The following RBFOX1 variants were observed in gnomAD, a reference collection of about 807,000 sequenced individuals.
The protein encoded by RBFOX1 is RNA binding protein fox-1 homolog 1.
In RBFOX1, 8 loss-of-function variants were observed where a neutral mutation model predicts 57.7. That is an observed-to-expected ratio of 0.14 (90% confidence interval 0.08 to 0.25). The LOEUF (loss-of-function observed/expected upper bound fraction) is 0.25. Among genes scored for constraint, RBFOX1 ranks in the 10% least tolerant of loss-of-function variants. The probability of loss-of-function intolerance (pLI) is 1.00; values close to 1 mark genes in which losing one functional copy is unlikely to be tolerated. For missense variants in RBFOX1, 611 were observed against 548.5 expected (o/e 1.11, Z -1.14); for synonymous variants, 326 against 222.4 (o/e 1.47, Z -4.15).
intron 1 of RBFOX1, among the ~76,000 whole-genome samples, chr16:6,298,642 C>G (rs2078426360): frequency 6.6e-6 from 1 of 152,142 alleles, no homozygotes; most frequent in Non-Finnish European, 1.5e-5. Flanking sequence ...AACCTTCCTT[C>G]TGGGTTGGCA....
At chr16:5,529,018 C>G (rs1479109479) in intron 2 of RBFOX1, among the ~76,000 whole-genome samples, 3 of 152,078 alleles carry the variant, frequency 2.0e-5, no homozygotes, top group African/African-American at 4.8e-5. Flanking sequence ...GGAGTAACCA[C>G]TGGCTCTCTC....
At chr16:6,682,868 A>AT (rs1242365570) in intron 3 of RBFOX1, among the ~76,000 whole-genome samples, 1 of 127,616 alleles carries the variant, frequency 7.8e-6, no homozygotes, top group Non-Finnish European at 1.6e-5. Flanking sequence ...AAAGAAAAGA[A>AT]TTAAAAAAAA....
chr16:7,048,470 A>C (rs1466885857), intron 3 of RBFOX1, among the ~76,000 whole-genome samples: 2 of 151,580 alleles, frequency 1.3e-5, no homozygotes, highest in East Asian at 2.0e-4. Context: ...CGTATTAGCC[A>C]GGATGGTCTC....
chr16:5,503,832 T>C (rs2043284887), intron 2 of RBFOX1, among the ~76,000 whole-genome samples: 1 of 152,160 alleles, frequency 6.6e-6, no homozygotes, highest in Admixed American at 6.5e-5. Flanking sequence ...AAAGAAACTC[T>C]CTACTCTTAA....
chr16:6,882,306 C>T (rs890932108), intron 3 of RBFOX1, among the ~76,000 whole-genome samples: 26 of 152,138 alleles, frequency 1.7e-4, no homozygotes, highest in Admixed American at 1.1e-3. Flanking sequence ...TGCACTGGGT[C>T]TCATCCTTGT....
At chr16:6,724,054 T>C (rs2066587405) in intron 3 of RBFOX1, among the ~76,000 whole-genome samples, 1 of 152,130 alleles carries the variant, frequency 6.6e-6, no homozygotes, top group Admixed American at 6.5e-5. Flanking sequence ...TGAACATTTA[T>C]ATGAAATATT....
At chr16:7,045,676 ACATTGTCTCGCTTT>A (rs2153715826) in intron 3 of RBFOX1, among the ~76,000 whole-genome samples, 1 of 151,930 alleles carries the variant, frequency 6.6e-6, no homozygotes, top group Admixed American at 6.6e-5. Context: ...ATAGAGCGAG[ACATTGTCTCGCTTT>A]GTTGCCCAGG....
chr16:7,049,524 T>C (rs1422185618), intron 3 of RBFOX1, among the ~76,000 whole-genome samples: 3 of 152,342 alleles, frequency 2.0e-5, no homozygotes, highest in Middle Eastern at 3.4e-3. Flanking sequence ...CTCATCTGTC[T>C]TGTTTTTCAA....
intron 4 of RBFOX1, among the ~76,000 whole-genome samples, chr16:7,230,032 G>A (rs200893004): frequency 0.028 from 3,531 of 125,500 alleles, 213 homozygotes; most frequent in Admixed American, 0.044. Context: ...GGGGAAGGAA[G>A]GAAGGGAGAG....
At chr16:7,210,167 T>C (rs1189392747) in intron 4 of RBFOX1, among the ~76,000 whole-genome samples, 1 of 152,150 alleles carries the variant, frequency 6.6e-6, no homozygotes, top group Non-Finnish European at 1.5e-5. Context: ...TGACAATGAT[T>C]TTATCAGTCA....
At chr16:7,473,998 CA>C (rs1158233852) in intron 4 of RBFOX1, among the ~76,000 whole-genome samples, 1 of 151,894 alleles carries the variant, frequency 6.6e-6, no homozygotes, top group Admixed American at 6.6e-5. Context: ...TCATTAAAAA[CA>C]GCCCCCCGGC....
chr16:7,405,743 A>G (rs1175459407), intron 4 of RBFOX1, among the ~76,000 whole-genome samples: 1 of 152,132 alleles, frequency 6.6e-6, no homozygotes, highest in Non-Finnish European at 1.5e-5. Flanking sequence ...AGCTTGGATG[A>G]CACAGAGGGG....
intron 3 of RBFOX1, among the ~76,000 whole-genome samples, chr16:7,015,325 G>A (rs1035125534): frequency 1.1e-4 from 16 of 152,218 alleles, no homozygotes; most frequent in African/African-American, 3.8e-4. Context: ...AGACTATGGA[G>A]TAGATCTGGA....
At chr16:7,634,479 G>T (rs2061458271) in intron 11 of RBFOX1, among the ~76,000 whole-genome samples, 1 of 151,824 alleles carries the variant, frequency 6.6e-6, no homozygotes, top group Non-Finnish European at 1.5e-5. Context: ...AGGGGAGATG[G>T]TTTTTAAAGG....
intron 3 of RBFOX1, among the ~76,000 whole-genome samples, chr16:5,785,626 C>G (rs1222177488): frequency 6.6e-6 from 1 of 152,044 alleles, no homozygotes; most frequent in Admixed American, 6.5e-5. Flanking sequence ...CTCCTGGGTT[C>G]AAGTGATTCT....
rs993391225 is a variant in RBFOX1 at position 6,421,668 on chromosome 16, T to C, written c.-64+104611T>C. ...ACACTGGCACAGAAGAAAACATGGG[T>C]GCTTTAGATCACACACACAAAAAAT... On this transcript the variant is annotated intron_variant, in intron 2 of 15. Coordinates refer to ENST00000550418, the MANE Select transcript of RBFOX1 (RefSeq NM_018723.4). Among the ~76,000 whole-genome samples, 7 of 152,240 alleles carry C rather than the reference T, an allele frequency of 4.6e-5. No homozygotes were observed. In the East Asian group the frequency reaches 1.4e-3, roughly 29 times the overall value.
At chr16:6,630,690 A>C (rs1201879025) in intron 2 of RBFOX1, among the ~76,000 whole-genome samples, 1 of 152,176 alleles carries the variant, frequency 6.6e-6, no homozygotes, top group Admixed American at 6.5e-5. Context: ...TCTGTTAAGT[A>C]TCTCCATGTT....
In RBFOX1 at chr16:6,721,530, C is replaced by G. The variant is rs149049105; in HGVS notation, c.-16+66880C>G. On this transcript the variant is annotated intron_variant, in intron 3 of 15. Coordinates refer to ENST00000550418, the MANE Select transcript of RBFOX1 (RefSeq NM_018723.4). The stretch of plus-strand genomic sequence containing the variant: ...GCATTCATATTTTTGTATAACCAAT[C>G]TGCAGAACTTTTTCATCTTGTAAGA... Among the ~76,000 whole-genome samples the G allele has an allele frequency of 6.1e-3, 922 of 152,266 alleles. 16 individuals are homozygous for G. Among genetic ancestry groups the G allele is most frequent in the African/African-American group, 0.021 (862 of 41,538 alleles).
At chr16:7,034,752 G>A (rs1014166133) in intron 3 of RBFOX1, among the ~76,000 whole-genome samples, 1 of 151,268 alleles carries the variant, frequency 6.6e-6, no homozygotes, top group African/African-American at 2.4e-5. Context: ...AATTACCTGG[G>A]GTTTGGGGGA....
Sources: gnomAD v4.1 joint callset for allele counts (sites outside exome capture counted in the v4.1 genomes callset) on GRCh38, gnomAD v4.1.1 for gene constraint, MANE v1.5 for transcripts, NCBI Gene and HGNC (gene_info 2026-07-23, HGNC 2026-07-21) for gene names.